SHPRH: variants seen among roughly 807,000 people sequenced by gnomAD.
The protein encoded by SHPRH is SNF2 histone linker PHD RING helicase, also known as E3 ubiquitin-protein ligase SHPRH.
In SHPRH, 106 loss-of-function variants were observed where a neutral mutation model predicts 202.5. The observed-to-expected ratio is 0.52, with a 90% confidence interval of 0.45 to 0.62. The LOEUF (loss-of-function observed/expected upper bound fraction) is 0.62, where lower values mean the gene tolerates loss of function less well. SHPRH is among the 20% of genes least tolerant of loss of function. SHPRH has a pLI of 0.00. For synonymous variants in SHPRH, 729 were observed against 686.0 expected, an observed-to-expected ratio of 1.06 and a Z score of -0.98; for missense variants, 1,710 against 2,020.0, an observed-to-expected ratio of 0.85 and a Z score of 2.94.
At chr6:145,888,200 GC>G in intron 28 of SHPRH, 100 bp from the exon 29 acceptor site, 1 of 795,284 alleles carries the variant, frequency 1.3e-6, no homozygotes, top group South Asian at 1.7e-5. Context: ...GTCAGTTGGT[GC>G]CCACTTGTGG....
At chr6:145,919,163 T>G in intron 22 of SHPRH, 185 bp downstream of exon 22, 1 of 696,598 alleles carries the variant, frequency 1.4e-6, no homozygotes, top group Non-Finnish European at 2.3e-6. Flanking sequence ...GTAATAGATA[T>G]GAAATTGCTC....
intron 2 of SHPRH, among the ~76,000 whole-genome samples, chr6:145,874,617 C>T (rs1181846898): frequency 1.3e-5 from 2 of 152,070 alleles, no homozygotes; most frequent in Non-Finnish European, 2.9e-5. Context: ...CATAGTTATC[C>T]ATTTAGCAAA....
intron 11 of SHPRH, among the ~76,000 whole-genome samples, chr6:145,936,346 T>C (rs1015997878): frequency 5.3e-5 from 8 of 152,200 alleles, no homozygotes; most frequent in Admixed American, 4.6e-4. Context: ...CTTTTTGTTT[T>C]TTTGAGACAA....
In SHPRH at chr6:145,886,442, T is replaced by G. The variant is rs1478472744; in HGVS notation, c.*249A>C. The G allele has an allele frequency of 1.3e-6, 1 of 799,694 alleles. No individual in the cohort carries two copies. The highest frequency in any genetic ancestry group is 1.7e-5 in the African/African-American group (1 of 59,226). 49.5% of individuals were successfully genotyped at this position (799,694 alleles called of 1,614,324 possible). ...CCCTTGCATCATCAGATATAGATAC[T>G]ATTTGGGACAAAAAATAAATGTTTT... On this transcript the variant is annotated 3_prime_UTR_variant, in exon 30 of 30. Coordinates refer to ENST00000275233, the MANE Select transcript of SHPRH (RefSeq NM_001042683.3).
chr6:145,900,779 A>G (rs1346517825), intron 25 of SHPRH, among the ~76,000 whole-genome samples: 1 of 152,092 alleles, frequency 6.6e-6, no homozygotes, highest in Non-Finnish European at 1.5e-5. Context: ...ACTGAATACA[A>G]TGTAAATCTT....
intron 1 of SHPRH, among the ~76,000 whole-genome samples, chr6:145,961,929 T>A (rs191818475): frequency 1.7e-4 from 26 of 152,332 alleles, no homozygotes; most frequent in Admixed American, 7.8e-4. Context: ...TAAAATGCAA[T>A]TTGGCAACTA....
chr6:145,896,851 GA>G (rs2128719595), intron 25 of SHPRH, among the ~76,000 whole-genome samples: 1 of 152,018 alleles, frequency 6.6e-6, no homozygotes, highest in South Asian at 2.1e-4. Flanking sequence ...TGAGACAAAT[GA>G]AAATGGAAAT....
intron 1 of SHPRH, among the ~76,000 whole-genome samples, chr6:145,962,088 AC>A (rs1284837211): frequency 6.6e-6 from 1 of 152,032 alleles, no homozygotes; most frequent in Non-Finnish European, 1.5e-5. Flanking sequence ...TTCTATATGG[AC>A]CGCACTTTTA....
At position 145,929,515 on chromosome 6, in the gene SHPRH, A is replaced by C. The variant is rs552124467; in HGVS notation, c.3113-2238T>G. ...CACATTAGAAGAATCTAATTTATGT[A>C]AGTTATATATGTAATGTTACTTTAA... On this transcript the variant is annotated intron_variant, in intron 14 of 29. Transcript: ENST00000275233. Among the ~76,000 whole-genome samples the C allele has an allele frequency of 2.6e-5, 4 of 152,210 alleles. No homozygotes were observed. The South Asian group carries it at 6.2e-4, about 24-fold the overall frequency.
chr6:145,864,587 C>A, intron 2 of SHPRH: 1 of 169,648 alleles, frequency 5.9e-6, no homozygotes, highest in Non-Finnish European at 1.4e-5. Context: ...ATTTAGCAAT[C>A]TGGTACAAAG....
chr6:145,893,111 T>TA (rs1292924810), intron 28 of SHPRH, 104 bp downstream of exon 28: 4 of 960,682 alleles, frequency 4.2e-6, no homozygotes, highest in Non-Finnish European at 5.5e-6. Context: ...AGGAAGTAAT[T>TA]AAAAACAAGT....
intron 9 of SHPRH, 28 bp from the exon 10 acceptor site, chr6:145,941,902 T>C (rs906401642): frequency 3.1e-6 from 5 of 1,606,058 alleles, no homozygotes; most frequent in Non-Finnish European, 4.3e-6. Flanking sequence ...CAGGCAGTTA[T>C]TGCAAAAAGG....
intron 11 of SHPRH, among the ~76,000 whole-genome samples, chr6:145,936,917 C>T (rs1256020907): frequency 2.0e-5 from 3 of 151,692 alleles, no homozygotes; most frequent in Admixed American, 2.0e-4. Context: ...GGTCCCAAAG[C>T]CGTCTCAAAC....
At chr6:145,922,071 T>C (rs189666485) in intron 20 of SHPRH, among the ~76,000 whole-genome samples, 4 of 152,138 alleles carry the variant, frequency 2.6e-5, no homozygotes, top group Non-Finnish European at 4.4e-5. Flanking sequence ...CAATTAATTA[T>C]ATATTACTAC....
intron 25 of SHPRH, among the ~76,000 whole-genome samples, chr6:145,902,273 A>C (rs1470188976): frequency 6.6e-6 from 1 of 152,160 alleles, no homozygotes; most frequent in Non-Finnish European, 1.5e-5. Flanking sequence ...GAAGTCACTT[A>C]GTAACACAAC....
At chr6:145,924,900 G>T in intron 16 of SHPRH, 54 bp from the exon 17 acceptor site, 2 of 1,419,612 alleles carry the variant, frequency 1.4e-6, no homozygotes. Context: ...ATATAATTCA[G>T]TATGATGTTT....
At chr6:145,866,898 A>G (rs1203307732) in intron 2 of SHPRH, among the ~76,000 whole-genome samples, 2 of 151,414 alleles carry the variant, frequency 1.3e-5, no homozygotes, top group Non-Finnish European at 2.9e-5. Context: ...GTGCTGATTG[A>G]TGGGGGAAGG....
chr6:145,919,636 C>A (rs1381337520), intron 21 of SHPRH, 145 bp from the exon 22 acceptor site: 6 of 852,338 alleles, frequency 7.0e-6, no homozygotes, highest in Non-Finnish European at 1.0e-5. Context: ...TTCCTGGGGT[C>A]ATTTTTAGGA....
chr6:145,922,378 C>A, intron 19 of SHPRH, 30 bp from the exon 20 acceptor site: 1 of 1,545,928 alleles, frequency 6.5e-7, no homozygotes, highest in South Asian at 1.2e-5. Context: ...CAGAAATATT[C>A]ACAAACATAA....
Sources: allele counts gnomAD v4.1 joint callset (sites outside exome capture counted in the v4.1 genomes callset), GRCh38; gene constraint gnomAD v4.1.1; transcripts MANE v1.5; gene names NCBI Gene and HGNC (gene_info 2026-07-23, HGNC 2026-07-21).